The following TLR3 variants were observed in gnomAD, a reference collection of about 807,000 sequenced individuals.
TLR3 encodes the protein toll like receptor 3.
TLR3 carries 43 observed loss-of-function variants against 66.4 expected under a neutral mutation model. The ratio of observed to expected loss-of-function variants is 0.65; its 90% CI spans 0.51 to 0.83. TLR3 has a LOEUF of 0.83. Among genes scored for constraint, TLR3 ranks in the 40% least tolerant of loss-of-function variants. The pLI is 0.00. For synonymous variants in TLR3, 397 were observed against 397.2 expected (o/e 1.00, Z 0.01); for missense variants, 982 against 1,044.6 (o/e 0.94, Z 0.83).
At chr4:186,077,542 GTCACTTTTTCAATGATTCCTTTTTCTTT>G (rs1403917176) in intron 2 of TLR3, among the ~76,000 whole-genome samples, 1 of 152,112 alleles carries the variant, frequency 6.6e-6, no homozygotes, top group Non-Finnish European at 1.5e-5. Flanking sequence ...CAATAGTGGT[GTCACTTTTTCAATGATTCCTTTTTCTTT>G]TCAAAACTTT....
rs553974382 is a variant in TLR3, at chr4:186,073,622, C to T, written c.-7-2991C>T. Among the ~76,000 whole-genome samples, 14 of 152,240 alleles carry T rather than the reference C, an allele frequency of 9.2e-5. No individual in the cohort carries two copies. The East Asian group carries it at 1.7e-3, about 19-fold the overall frequency. ...AACAATTAACTTAGGAGAGGTCACA[C>T]ACCTTCACATAGAAGCTAACACCAT... On this transcript the variant is annotated intron_variant, in intron 1 of 4. Transcript: ENST00000296795.
In TLR3 at chr4:186,085,788, A is replaced by T. The variant is rs970703122; in HGVS notation, c.*915A>T. 1 of 152,252 alleles carries T rather than the reference A, an allele frequency of 6.6e-6. No individual in the cohort carries two copies. Among genetic ancestry groups the T allele is most frequent in the Non-Finnish European group, 1.5e-5 (1 of 68,050 alleles). The allele number at this position is 152,252 out of a possible 1,614,324, so 9.4% of individuals were successfully genotyped here. A position where few individuals can be genotyped will look rare whatever the true frequency, so the allele number is the denominator to read the frequency against. ...ATTCAAAGGAATGTATTATTTTACC[A>T]TAAAATAATGTGCTACGCATAAGGT... On this transcript the variant is annotated 3_prime_UTR_variant, in exon 5 of 5. Transcript: ENST00000296795.
At chr4:186,071,219 C>A (rs996221778) in intron 1 of TLR3, among the ~76,000 whole-genome samples, 1 of 152,168 alleles carries the variant, frequency 6.6e-6, no homozygotes, top group Non-Finnish European at 1.5e-5. Flanking sequence ...TCCTGCCTAG[C>A]ATTTGGTGAG....
chr4:186,069,305 G>A (rs1416941217), intron 1 of TLR3, 57 bp downstream of exon 1: 1 of 152,172 alleles, frequency 6.6e-6, no homozygotes, highest in Non-Finnish European at 1.5e-5. Context: ...TTGCTGAGTA[G>A]AGTTTGCTAG....
Position 186,083,040 on chromosome 4 carries a change from T to G in TLR3, c.1354T>G (p.Trp452Gly), listed in dbSNP as rs768784321. The change falls in exon 4 of 5, where the codon TGG becomes GGG. Residue 452 changes from tryptophan to glycine, a missense_variant. Physicochemically the swap from Trp to Gly is radical, Grantham distance 184. Coordinates refer to ENST00000296795, the MANE Select transcript of TLR3 (RefSeq NM_003265.3). This position sits in a 1 kb window ranked among gnomAD's most constrained non-coding sequence, Gnocchi z 4.0. ...EIGQELTGQE[W>G]RGLENIFEIY... Reference sequence around the variant, plus strand: ...TGGGCAAGAACTCACAGGCCAGGAATGGAGAGGTCTAGAAAATATTTTCGA... The same window carrying G: ...TGGGCAAGAACTCACAGGCCAGGAAGGGAGAGGTCTAGAAAATATTTTCGA... 1.2e-6 allele frequency: 2 copies of G among 1,614,192 alleles called. No homozygotes were observed. The highest frequency in any genetic ancestry group is 1.3e-5 in the African/African-American group (1 of 75,042).
chr4:186,079,399 C>T (rs571432638), intron 3 of TLR3, among the ~76,000 whole-genome samples: 4 of 152,150 alleles, frequency 2.6e-5, no homozygotes, highest in African/African-American at 4.8e-5. Context: ...GGTTCACAGT[C>T]GGGTTAGCTG....
intron 1 of TLR3, among the ~76,000 whole-genome samples, chr4:186,070,151 T>A (rs1457755472): frequency 6.6e-6 from 1 of 152,192 alleles, no homozygotes; most frequent in African/African-American, 2.4e-5. Flanking sequence ...TCATTTTCTT[T>A]ATTTCTGCTA....
At chr4:186,073,931 A>G (rs2099301971) in intron 1 of TLR3, among the ~76,000 whole-genome samples, 1 of 152,254 alleles carries the variant, frequency 6.6e-6, no homozygotes, top group Non-Finnish European at 1.5e-5. Context: ...ATATAAGGGA[A>G]GATAAATGAA....
rs1274697700 is a variant in TLR3, at chr4:186,083,234, C to T, written c.1548C>T (p.Asn516=). 2 of 1,614,070 alleles carry T rather than the reference C, an allele frequency of 1.2e-6. No homozygotes were observed. Among genetic ancestry groups the T allele is most frequent in the Non-Finnish European group, 1.7e-6 (2 of 1,180,042 alleles). Residue 516 remains asparagine, a synonymous_variant, in exon 4 of 5, where the codon AAC becomes AAT. Coordinates refer to ENST00000296795, the MANE Select transcript of TLR3 (RefSeq NM_003265.3). The surrounding 1 kb of genome is among the most constrained non-coding windows in gnomAD (Gnocchi z 4.0). ...RNLTILDLSN[N]NIANINDDML... ...TGACCATTCTGGATCTAAGCAACAA[C>T]AACATAGCCAACATAAATGATGACA...
chr4:186,076,551 A>G, intron 1 of TLR3, 62 bp from the exon 2 acceptor site: 1 of 1,467,626 alleles, frequency 6.8e-7, no homozygotes, highest in Non-Finnish European at 9.5e-7. Flanking sequence ...GAATATACCA[A>G]TGCATTTGAA....
intron 3 of TLR3, chr4:186,081,952 T>C (rs1271733081): frequency 3.9e-6 from 1 of 255,660 alleles, no homozygotes; most frequent in Non-Finnish European, 7.5e-6. Flanking sequence ...TCTGGCCGGG[T>C]GCAGCGGCTC....
intron 1 of TLR3, among the ~76,000 whole-genome samples, chr4:186,072,452 A>G (rs938422732): frequency 6.6e-6 from 1 of 152,112 alleles, no homozygotes; most frequent in Non-Finnish European, 1.5e-5. Context: ...AGCTGGGATT[A>G]CAGGCACCCA....
intron 3 of TLR3, among the ~76,000 whole-genome samples, chr4:186,081,322 C>T (rs2099303417): frequency 1.3e-5 from 2 of 151,884 alleles, no homozygotes; most frequent in Admixed American, 6.6e-5. Flanking sequence ...CTGGCGGTTT[C>T]GACTGCCTGC....
Position 186,083,153 on chromosome 4 carries a change from G to T in TLR3, c.1467G>T (p.Arg489Ser), listed in dbSNP as rs753746965. The T allele has an allele frequency of 6.2e-7, 1 of 1,614,118 alleles. No individual in the cohort carries two copies. The highest frequency in any genetic ancestry group is 8.5e-7 in the Non-Finnish European group (1 of 1,180,024). Residue 489 changes from arginine (R) to serine (S), a missense_variant, in exon 4 of 5, where the codon AGG (arginine) becomes AGT (serine). Around this residue, in one of 3 missense-constraint regions of TLR3, gnomAD observed 666 missense variants for 709.0 expected, o/e 0.94. Coordinates refer to ENST00000296795, the MANE Select transcript of TLR3 (RefSeq NM_003265.3). The surrounding 1 kb of genome is among the most constrained non-coding windows in gnomAD (Gnocchi z 4.0). ...VPSLQRLMLRRVALKNVDSSP... is the reference protein window; with the variant it reads ...VPSLQRLMLRSVALKNVDSSP... ...GCCTTCAACGACTGATGCTCCGAAG[G>T]GTGGCCCTTAAAAATGTGGATAGCT...
intron 3 of TLR3, among the ~76,000 whole-genome samples, chr4:186,079,527 T>C (rs893829638): frequency 2.6e-5 from 4 of 152,166 alleles, no homozygotes; most frequent in African/African-American, 9.7e-5. Context: ...TTCATAGGAC[T>C]GTGTGGTAAA....
At chr4:186,079,501 G>A (rs568477165) in intron 3 of TLR3, among the ~76,000 whole-genome samples, 8 of 152,276 alleles carry the variant, frequency 5.3e-5, no homozygotes, top group East Asian at 1.9e-4. Context: ...TCAAATGGGC[G>A]TGATAATGAC....
chr4:186,084,541 C>T, intron 4 of TLR3, 104 bp from the exon 5 acceptor site: 1 of 769,112 alleles, frequency 1.3e-6, no homozygotes, highest in Non-Finnish European at 2.1e-6. Context: ...AAAAAAAAAC[C>T]TGAGTTTCAG....
rs147003497 is a variant in TLR3, at chr4:186,079,559, G to A, written c.633+528G>A. 6.6e-5 allele frequency among the ~76,000 whole-genome samples: 10 copies of A among 152,292 alleles called. No individual in the cohort carries two copies. The South Asian group carries it at 8.3e-4, about 13-fold the overall frequency. On this transcript the variant is annotated intron_variant, in intron 3 of 4. Transcript: ENST00000296795. Reference sequence around the variant, plus strand: ...TAAAGAATTTAGGACCGTGTCTGGCGTAGGCAGTGCTCAGGAAATGATCAG... The same window carrying A: ...TAAAGAATTTAGGACCGTGTCTGGCATAGGCAGTGCTCAGGAAATGATCAG...
chr4:186,083,776 A>G lies in TLR3; in HGVS notation c.2090A>G (p.Lys697Arg), dbSNP rs2099303922. The G allele has an allele frequency of 6.2e-7, 1 of 1,614,058 alleles. No individual in the cohort carries two copies. The highest frequency in any genetic ancestry group is 8.5e-7 in the Non-Finnish European group (1 of 1,180,000). ...PVRLFDTSSC[K>R]DSAPFELFFM... ...AGACTTTTTGATACATCATCTTGCAAAGACAGTGCCCCCTTTGAACTCTTT... is the reference window on the plus strand; with the variant it reads ...AGACTTTTTGATACATCATCTTGCAGAGACAGTGCCCCCTTTGAACTCTTT... Residue 697 changes from lysine to arginine, a missense_variant, in exon 4 of 5, where the codon AAA (lysine) becomes AGA (arginine). Physicochemically the swap from Lys to Arg is conservative, Grantham distance 26 (BLOSUM62 2). Coordinates refer to ENST00000296795, the MANE Select transcript of TLR3 (RefSeq NM_003265.3). This position sits in a 1 kb window ranked among gnomAD's most constrained non-coding sequence, Gnocchi z 4.0.
Sources: gnomAD v4.1 joint callset for allele counts (sites outside exome capture counted in the v4.1 genomes callset) on GRCh38, gnomAD v4.1.1 for gene constraint, gnomAD v4.1.1 regional missense constraint, Gnocchi (gnomAD v3.1) non-coding constraint, MANE v1.5 for transcripts, NCBI Gene and HGNC (gene_info 2026-07-23, HGNC 2026-07-21) for gene names.